The following RBM25 variants were observed in gnomAD, a reference collection of about 807,000 sequenced individuals.
RBM25 encodes the protein RNA-binding protein 25.
Under a neutral mutation model 120.7 loss-of-function variants are expected in RBM25, and 19 were observed. The ratio of observed to expected loss-of-function variants is 0.16; its 90% CI spans 0.11 to 0.23. The LOEUF (loss-of-function observed/expected upper bound fraction) is 0.23. Ranked by LOEUF, RBM25 falls within the 10% of genes least tolerant of loss-of-function variation. RBM25 has a pLI of 1.00. For missense variants in RBM25, 605 were observed against 1,041.5 expected, an observed-to-expected ratio of 0.58 and a Z score of 5.77; for synonymous variants, 390 against 326.7, an observed-to-expected ratio of 1.19 and a Z score of -2.09.
In RBM25 at chr14:73,078,164, G is replaced by T. The variant is rs760003851; in HGVS notation, c.324+628G>T. Among the ~76,000 whole-genome samples, 15 of 152,188 alleles carry T rather than the reference G, an allele frequency of 9.9e-5. No individual in the cohort carries two copies. The South Asian group carries it at 3.1e-3, about 32-fold the overall frequency. ...CAAAAAATACAAAAATTAGCCAGGC[G>T]TGGTGGCGTGTGCCTGTAATCTCAG... On this transcript the variant is annotated intron_variant, in intron 4 of 18. Coordinates refer to ENST00000261973, the MANE Select transcript of RBM25 (RefSeq NM_021239.3).
chr14:73,068,407 G>GTTTAT, intron 1 of RBM25: 1 of 513,198 alleles, frequency 1.9e-6, no homozygotes, highest in South Asian at 2.3e-5. Context: ...TTTTTTTTTG[G>GTTTAT]TTCATTTACA....
chr14:73,093,956 T>G (rs1428649561), intron 6 of RBM25, among the ~76,000 whole-genome samples: 25 of 148,414 alleles, frequency 1.7e-4, no homozygotes, highest in Non-Finnish European at 3.3e-4. Flanking sequence ...TTGTTTTTTT[T>G]TTTTTTTTTT....
intron 5 of RBM25, among the ~76,000 whole-genome samples, chr14:73,084,740 C>T (rs945570833): frequency 2.0e-5 from 3 of 151,312 alleles, no homozygotes; most frequent in Non-Finnish European, 2.9e-5. Flanking sequence ...TTAGTAGAGA[C>T]GGGGTTTCTC....
At chr14:73,096,222 C>G (rs942094867) in intron 6 of RBM25, among the ~76,000 whole-genome samples, 1 of 152,152 alleles carries the variant, frequency 6.6e-6, no homozygotes, top group Non-Finnish European at 1.5e-5. Flanking sequence ...TGATCCGCCC[C>G]CGCCTCGGCC....
At chr14:73,100,994 G>C (rs923276927) in intron 9 of RBM25, 1 of 152,014 alleles carries the variant, frequency 6.6e-6, no homozygotes, top group Non-Finnish European at 1.5e-5. Context: ...TTATTTATTT[G>C]TTAAACCCTG....
chr14:73,071,283 A>G (rs1895285149), intron 1 of RBM25, among the ~76,000 whole-genome samples: 1 of 151,598 alleles, frequency 6.6e-6, no homozygotes, highest in African/African-American at 2.4e-5. Flanking sequence ...AAAAACTATT[A>G]GATACCCATC....
At chr14:73,091,416 G>T (rs1895810896) in intron 6 of RBM25, among the ~76,000 whole-genome samples, 1 of 152,138 alleles carries the variant, frequency 6.6e-6, no homozygotes, top group Non-Finnish European at 1.5e-5. Context: ...GTTTCACTGT[G>T]TTGTCCAGGC....
intron 1 of RBM25, among the ~76,000 whole-genome samples, chr14:73,070,852 C>T (rs1022386986): frequency 6.7e-6 from 1 of 148,906 alleles, no homozygotes; most frequent in Non-Finnish European, 1.5e-5. Context: ...GAAGCTGAGG[C>T]AGGAGAATTG....
rs908183058 is a variant in RBM25 at position 73,072,934 on chromosome 14, T to C, written c.106+1187T>C. On this transcript the variant is annotated intron_variant, in intron 2 of 18. Transcript: ENST00000261973. The stretch of plus-strand genomic sequence containing the variant: ...TTTTGTTTGTGTGTGCGTGTGTGTG[T>C]ATGTGTGTTTTGGGCGAGGCCTCAC... Among the ~76,000 whole-genome samples, 15 of 152,228 alleles carry C rather than the reference T, an allele frequency of 9.9e-5. 1 individual carries two copies. Among genetic ancestry groups the C allele is most frequent in the Non-Finnish European group, 1.8e-4 (12 of 68,022 alleles).
At chr14:73,066,097 A>G (rs1200159049) in intron 1 of RBM25, among the ~76,000 whole-genome samples, 3 of 152,200 alleles carry the variant, frequency 2.0e-5, no homozygotes, top group African/African-American at 7.2e-5. Context: ...ATCCTAAGAA[A>G]GCACTGAGAT....
Position 73,062,298 on chromosome 14 carries a change from G to A in RBM25, c.-16+3593G>A, listed in dbSNP as rs1864835577. On this transcript the variant is annotated intron_variant, in intron 1 of 18. Coordinates refer to ENST00000261973, the MANE Select transcript of RBM25 (RefSeq NM_021239.3). Reference sequence around the variant, plus strand: ...GTTAAGCATTTCCCATTCTTCTTTGGGCATAAAACACTTTTTTTTTTCTAG... The same window carrying A: ...GTTAAGCATTTCCCATTCTTCTTTGAGCATAAAACACTTTTTTTTTTCTAG... 3.3e-5 allele frequency among the ~76,000 whole-genome samples: 5 copies of A among 151,266 alleles called. No homozygotes were observed. In the South Asian group the frequency reaches 1.0e-3, roughly 31 times the overall value.
intron 1 of RBM25, among the ~76,000 whole-genome samples, chr14:73,071,369 T>C (rs185829779): frequency 6.6e-6 from 1 of 152,122 alleles, no homozygotes; most frequent in Non-Finnish European, 1.5e-5. Flanking sequence ...AACCTCAAAA[T>C]TTTTTTCTTC....
At chr14:73,074,028 A>G (rs755862386) in intron 2 of RBM25, among the ~76,000 whole-genome samples, 13 of 152,228 alleles carry the variant, frequency 8.5e-5, no homozygotes, top group African/African-American at 3.1e-4. Flanking sequence ...AGGAAATTCT[A>G]TTGAGAAAAT....
chr14:73,110,132 A>T (rs1034327471), intron 14 of RBM25, among the ~76,000 whole-genome samples: 3 of 149,838 alleles, frequency 2.0e-5, no homozygotes, highest in African/African-American at 7.4e-5. Context: ...TGATCCGCCC[A>T]TCTTGGCATC....
At chr14:73,078,752 G>A (rs186759772) in intron 4 of RBM25, among the ~76,000 whole-genome samples, 103 of 152,214 alleles carry the variant, frequency 6.8e-4, no homozygotes, top group African/African-American at 2.3e-3. Flanking sequence ...TTACAGGCGC[G>A]TGCCATGACA....
At chr14:73,063,501 G>A (rs1329017722) in intron 1 of RBM25, among the ~76,000 whole-genome samples, 1 of 151,212 alleles carries the variant, frequency 6.6e-6, no homozygotes, top group East Asian at 1.9e-4. Flanking sequence ...AAAATGTGAG[G>A]TACTTTCAAT....
chr14:73,071,486 A>G lies in RBM25; in HGVS notation c.-15-141A>G, dbSNP rs183601176. On this transcript the variant is annotated intron_variant, in intron 1 of 18. Coordinates refer to ENST00000261973, the MANE Select transcript of RBM25 (RefSeq NM_021239.3). ...ATCTAAGTCGTAAGAATTCTCAATG[A>G]AAAGAGGGTCTTTGCCAATTTCTTT... 1.2e-3 allele frequency: 775 copies of G among 632,454 alleles called. 3 individuals are homozygous for G. The highest frequency in any genetic ancestry group is 1.8e-3 in the Non-Finnish European group (650 of 358,814). 39.2% of individuals were successfully genotyped at this position (632,454 alleles called of 1,614,324 possible). A position where few individuals can be genotyped will look rare whatever the true frequency, so the allele number is the denominator to read the frequency against.
intron 4 of RBM25, among the ~76,000 whole-genome samples, chr14:73,082,476 A>G (rs966219734): frequency 1.3e-5 from 2 of 151,920 alleles, no homozygotes; most frequent in Non-Finnish European, 2.9e-5. Flanking sequence ...GTTTTTGTAG[A>G]GACAGTGTCT....
chr14:73,094,767 C>T (rs1895898890), intron 6 of RBM25, among the ~76,000 whole-genome samples: 1 of 151,540 alleles, frequency 6.6e-6, no homozygotes, highest in African/African-American at 2.4e-5. Flanking sequence ...ACCTTGTGAT[C>T]CGCCCGCCTC....
Sources: allele counts gnomAD v4.1 joint callset (sites outside exome capture counted in the v4.1 genomes callset), GRCh38; gene constraint gnomAD v4.1.1; transcripts MANE v1.5; gene names NCBI Gene and HGNC (gene_info 2026-07-23, HGNC 2026-07-21).